The following DACT2 variants were observed in gnomAD, a reference collection of about 807,000 sequenced individuals.
DACT2 encodes dapper homolog 2.
DACT2 carries 20 observed loss-of-function variants against 22.2 expected under a neutral mutation model. The ratio of observed to expected loss-of-function variants is 0.90; its 90% confidence interval spans 0.63 to 1.31. DACT2 has a LOEUF of 1.31. DACT2 is among the 50% of genes most tolerant of loss of function. The pLI is 0.00. For missense variants in DACT2, 1,048 were observed against 1,061.4 expected (o/e 0.99, Z 0.18); for synonymous variants, 463 against 479.8 (o/e 0.96, Z 0.46).
chr6:168,307,528 G>C lies in DACT2; in HGVS notation c.2229C>G (p.Pro743=). ...APVSSGPLLS[P]VPKLCRIKAS... Reference sequence around the variant, plus strand: ...CCTTAATACGGCACAGCTTGGGCACGGGGGACAGGAGTGGCCCCGAGCTGA... The same window carrying C: ...CCTTAATACGGCACAGCTTGGGCACCGGGGACAGGAGTGGCCCCGAGCTGA... Residue 743 remains proline (P), a synonymous_variant, in exon 4 of 4, where the codon CCC becomes CCG. Coordinates refer to ENST00000366795, the MANE Select transcript of DACT2 (RefSeq NM_214462.5). This position sits in a 1 kb window ranked among gnomAD's most constrained non-coding sequence, Gnocchi z 5.3. The C allele has an allele frequency of 6.4e-7, 1 of 1,551,516 alleles. No homozygotes were observed. Among genetic ancestry groups the C allele is most frequent in the South Asian group, 1.2e-5 (1 of 84,056 alleles).
In DACT2 at chr6:168,319,731, C is replaced by CT; in HGVS notation, c.-99dup. The CT allele has an allele frequency of 8.5e-7, 1 of 1,181,460 alleles. No homozygotes were observed. Among genetic ancestry groups the CT allele is most frequent in the Non-Finnish European group, 1.0e-6 (1 of 955,394 alleles). 73.2% of individuals were successfully genotyped at this position (1,181,460 alleles called of 1,614,324 possible). ...TGTGTCGCGGGTCCTCCTGCGCCTC[C>CT]TCTCTCCGCCCCCGGCTCCGCAGGT... On this transcript the variant is annotated 5_prime_UTR_variant, in exon 1 of 4. Transcript: ENST00000366795.
At position 168,296,362 on chromosome 6, in the gene DACT2, G is replaced by C. The variant is rs200608409; in HGVS notation, c.659-1658C>G. Among the ~76,000 whole-genome samples the C allele has an allele frequency of 1.1e-4, 17 of 148,398 alleles. No homozygotes were observed. In the East Asian group the frequency reaches 3.4e-3, roughly 30 times the overall value. Reference sequence around the variant, plus strand: ...CATGGAGGACAGGCACCCAGAATCAGGGAAACAGCGGATCCATCCACAGCG... The same window carrying C: ...CATGGAGGACAGGCACCCAGAATCACGGAAACAGCGGATCCATCCACAGCG... On this transcript the variant is annotated intron_variant, in intron 3 of 5. Coordinates refer to the DACT2 transcript ENST00000366796.
rs1779273138 is a variant in DACT2 at position 168,308,122 on chromosome 6, C to T, written c.1635G>A (p.Gly545=). The T allele has an allele frequency of 2.6e-6, 4 of 1,547,762 alleles. No individual in the cohort carries two copies. The South Asian group carries it at 3.6e-5, about 14-fold the overall frequency. The change falls in exon 4 of 4, where the codon GGG becomes GGA. Residue 545 remains glycine (G), a synonymous_variant. Coordinates refer to ENST00000366795, the MANE Select transcript of DACT2 (RefSeq NM_214462.5). The part of the protein sequence containing the change: ...DPAHWPTGRG[G]LQRRPALAWE... Reference sequence around the variant, plus strand: ...AGGCCAGGGCTGGCCTCCGCTGGAGCCCGCCCCTCCCTGTGGGCCAGTGGG... The same window carrying T: ...AGGCCAGGGCTGGCCTCCGCTGGAGTCCGCCCCTCCCTGTGGGCCAGTGGG...
chr6:168,319,667 C>A lies in DACT2; in HGVS notation c.-34G>T. The A allele has an allele frequency of 8.3e-7, 1 of 1,209,888 alleles. No individual in the cohort carries two copies. The allele number at this position is 1,209,888 out of a possible 1,614,324, so 74.9% of individuals were successfully genotyped here. On this transcript the variant is annotated 5_prime_UTR_variant, in exon 1 of 4. Coordinates refer to ENST00000366795, the MANE Select transcript of DACT2 (RefSeq NM_214462.5). Reference sequence around the variant, plus strand: ...CAGGGTCCCGGCCTCCCGAACCCCACGAGCGGCGCCGGAGGCCCAGCGCGC... The same window carrying A: ...CAGGGTCCCGGCCTCCCGAACCCCAAGAGCGGCGCCGGAGGCCCAGCGCGC...
downstream of DACT2, among the ~76,000 whole-genome samples, chr6:168,306,070 G>A (rs7747329): frequency 1.4e-4 from 21 of 152,120 alleles, no homozygotes; most frequent in Non-Finnish European, 2.8e-4. Context: ...TGTTCCAGAC[G>A]TGAAGTTCCT....
Position 168,308,652 on chromosome 6 carries a change from C to A in DACT2, c.1105G>T (p.Gly369Cys). The A allele has an allele frequency of 6.5e-7, 1 of 1,544,572 alleles. No individual in the cohort carries two copies. Among genetic ancestry groups the A allele is most frequent in the East Asian group, 2.4e-5 (1 of 40,904 alleles). ...HAASPSPQRQ[G>C]GWSTDGGGRL... is the part of the protein sequence containing the mutation. Reference sequence around the variant, plus strand: ...CCTCCACCGTCTGTACTCCAGCCACCCTGCCTCTGTGGAGATGGGGACGCT... The same window carrying A: ...CCTCCACCGTCTGTACTCCAGCCACACTGCCTCTGTGGAGATGGGGACGCT... Residue 369 changes from glycine (G) to cysteine (C), a missense_variant, in exon 4 of 4, where the codon GGT (glycine) becomes TGT (cysteine). Coordinates refer to ENST00000366795, the MANE Select transcript of DACT2 (RefSeq NM_214462.5).
intron 2 of DACT2, among the ~76,000 whole-genome samples, chr6:168,310,690 C>A (rs1200976559): frequency 6.6e-6 from 1 of 152,208 alleles, no homozygotes; most frequent in Non-Finnish European, 1.5e-5. Context: ...CACTCTGCAG[C>A]CCTGGCCCTC....
downstream of DACT2, chr6:168,301,965 ATC>A (rs920580766): frequency 6.6e-6 from 1 of 152,530 alleles, no homozygotes; most frequent in Non-Finnish European, 1.5e-5. Context: ...CTCCTGCACT[ATC>A]TCTCTCTCTT....
At position 168,313,703 on chromosome 6, in the gene DACT2, T is replaced by A. The variant is rs541392860; in HGVS notation, c.247-2419A>T. 8.5e-5 allele frequency among the ~76,000 whole-genome samples: 13 copies of A among 152,240 alleles called. No individual in the cohort carries two copies. In the South Asian group the frequency reaches 2.7e-3, roughly 32 times the overall value. On this transcript the variant is annotated intron_variant, in intron 1 of 3. Coordinates refer to ENST00000366795, the MANE Select transcript of DACT2 (RefSeq NM_214462.5). ...GGCCACACCTCAACGTTTAAAAGGA[T>A]CTAAGTGCCCTGTCCTCTTCCAAAT...
intron 2 of DACT2, 59 bp from the exon 3 acceptor site, chr6:168,310,505 T>C: frequency 6.6e-7 from 1 of 1,517,986 alleles, no homozygotes; most frequent in Admixed American, 2.5e-5. Context: ...CAGGGCCCCC[T>C]CTCCTCCTGA....
At chr6:168,311,561 CACA>C (rs2114913303) in intron 1 of DACT2, among the ~76,000 whole-genome samples, 1 of 79,734 alleles carries the variant, frequency 1.3e-5, no homozygotes, top group South Asian at 4.7e-4. Flanking sequence ...TACACACACT[CACA>C]CACAAACACA....
At chr6:168,294,049 C>T (rs1778956700) in intron 5 of DACT2, 2 of 702,866 alleles carry the variant, frequency 2.8e-6, no homozygotes, top group African/African-American at 3.5e-5. Flanking sequence ...CACAGAGCAC[C>T]CACGATGCCC....
intron 3 of DACT2, among the ~76,000 whole-genome samples, chr6:168,309,427 A>C (rs1360455669): frequency 6.6e-6 from 1 of 151,392 alleles, no homozygotes; most frequent in Admixed American, 6.6e-5. Context: ...GCGTGTAGAC[A>C]CAGGGTGCGG....
chr6:168,294,707 G>T, intron 3 of DACT2: 2 of 1,467,126 alleles, frequency 1.4e-6, no homozygotes, highest in Non-Finnish European at 9.0e-7. Flanking sequence ...GCACAGCTCT[G>T]GTAAGAACAA....
chr6:168,309,011 A>T lies in DACT2; in HGVS notation c.746T>A (p.Val249Glu), dbSNP rs757429457. The change falls in exon 4 of 4, where the codon GTG becomes GAG. Residue 249 changes from valine to glutamate, a missense_variant. Transcript: ENST00000366795. Reference protein sequence around the residue: ...AELLGLLCQGVDIPLHVPDPK... With the variant: ...AELLGLLCQGEDIPLHVPDPK... ...GTCCGGCACGTGCAGCGGGATATCC[A>T]CCCCCTGGCAGAGGAGCCCGAGGAG... 1.2e-5 allele frequency: 18 copies of T among 1,547,660 alleles called. No homozygotes were observed. The highest frequency in any genetic ancestry group is 8.7e-7 in the Non-Finnish European group (1 of 1,146,886).
In DACT2 at chr6:168,307,679, C is replaced by T. The variant is rs1288223235; in HGVS notation, c.2078G>A (p.Arg693Gln). The T allele has an allele frequency of 4.5e-5, 70 of 1,549,598 alleles. No individual in the cohort carries two copies. The highest frequency in any genetic ancestry group is 7.3e-5 in the East Asian group (3 of 40,848). The change falls in exon 4 of 4, where the codon CGA (arginine) becomes CAA (glutamine). Residue 693 changes from arginine (R) to glutamine (Q), a missense_variant. Arg to Gln is a conservative substitution (Grantham distance 43). Transcript: ENST00000366795. This position sits in a 1 kb window ranked among gnomAD's most constrained non-coding sequence, Gnocchi z 5.3. Reference sequence around the variant, plus strand: ...GCTGCTGGACTCACGGTCTCCGAATCGGTTGGTGGTGTGGTCACTGGACTC... The same window carrying T: ...GCTGCTGGACTCACGGTCTCCGAATTGGTTGGTGGTGTGGTCACTGGACTC... ...EGESSDHTTNRFGDRESSSSD... is the reference protein window; with the variant it reads ...EGESSDHTTNQFGDRESSSSD...
rs1038190101 is a variant in DACT2, at chr6:168,307,428, C to T, written c.*4G>A. The T allele has an allele frequency of 4.5e-6, 7 of 1,551,560 alleles. No homozygotes were observed. In the African/African-American group the frequency reaches 9.6e-5, roughly 21 times the overall value. On this transcript the variant is annotated 3_prime_UTR_variant, in exon 4 of 4. Transcript: ENST00000366795. The surrounding 1 kb of genome is among the most constrained non-coding windows in gnomAD (Gnocchi z 5.3). Reference sequence around the variant, plus strand: ...CAGGCTTCTCTTGACGCAGTCACTGCACCTCACACCATGGTCATGACCTTC... The same window carrying T: ...CAGGCTTCTCTTGACGCAGTCACTGTACCTCACACCATGGTCATGACCTTC...
chr6:168,307,037 T>TAA lies in DACT2; in HGVS notation c.*393_*394dup. 9.8e-7 allele frequency: 1 copy of TAA among 1,017,574 alleles called. No individual in the cohort carries two copies. Among genetic ancestry groups the TAA allele is most frequent in the Non-Finnish European group, 1.2e-6 (1 of 850,356 alleles). 63.0% of individuals were successfully genotyped at this position (1,017,574 alleles called of 1,614,324 possible). A position where few individuals can be genotyped will look rare whatever the true frequency, so the allele number is the denominator to read the frequency against. Reference sequence around the variant, plus strand: ...GCTCAGAGTCCTGCAACCGCCTCTTTAAAATGCTTTTGGGGAGGAATGGTC... The same window carrying TAA: ...GCTCAGAGTCCTGCAACCGCCTCTTTAAAAAATGCTTTTGGGGAGGAATGGTC... On this transcript the variant is annotated 3_prime_UTR_variant, in exon 4 of 4. Transcript: ENST00000366795. The surrounding 1 kb of genome is among the most constrained non-coding windows in gnomAD (Gnocchi z 5.3).
chr6:168,294,577 G>GTGTGTGTGTATATATATATA (rs1177617130), intron 4 of DACT2: 2 of 124,480 alleles, frequency 1.6e-5, no homozygotes, highest in African/African-American at 5.7e-5. Flanking sequence ...GTGTGTGTGT[G>GTGTGTGTGTATATATATATA]TATATATATA....
Sources: allele counts gnomAD v4.1 joint callset (sites outside exome capture counted in the v4.1 genomes callset), GRCh38; gene constraint gnomAD v4.1.1; non-coding constraint Gnocchi (gnomAD v3.1); transcripts MANE v1.5; gene names NCBI Gene and HGNC (gene_info 2026-07-23, HGNC 2026-07-21).